Variants in A2ML1 observed in about 807,000 individuals in gnomAD.
A2ML1 encodes the protein alpha-2-macroglobulin-like protein 1.
Under a neutral mutation model 181.9 loss-of-function variants are expected in A2ML1, and 161 were observed. The ratio of observed to expected loss-of-function variants is 0.89; its 90% CI spans 0.78 to 1.01. The LOEUF is 1.01. Ranked by LOEUF, A2ML1 falls within the 50% of genes least tolerant of loss-of-function variation. The probability of loss-of-function intolerance (pLI) is 0.00; values close to 1 mark genes in which losing one functional copy is unlikely to be tolerated. For synonymous variants in A2ML1, 663 were observed against 666.8 expected (o/e 0.99, Z 0.09); for missense variants, 1,670 against 1,768.1 (o/e 0.94, Z 1.00).
At position 8,853,000 on chromosome 12, in the gene A2ML1, A is replaced by AT. The variant is rs911771750; in HGVS notation, c.2590+673dup. 4.0e-5 allele frequency among the ~76,000 whole-genome samples: 6 copies of AT among 150,532 alleles called. No individual in the cohort carries two copies. Among genetic ancestry groups the AT allele is most frequent in the African/African-American group, 1.2e-4 (5 of 40,964 alleles). On this transcript the variant is annotated intron_variant, in intron 20 of 35. Coordinates refer to ENST00000299698, the MANE Select transcript of A2ML1 (RefSeq NM_144670.6). This position sits in a 1 kb window ranked among gnomAD's most constrained non-coding sequence, Gnocchi z 4.2. ...CGTGAGCCGCTGCGCCTGGCCTTTTATTTTTTTTTAGAGAGACAAGATCTT... is the reference window on the plus strand; with the variant it reads ...CGTGAGCCGCTGCGCCTGGCCTTTTATTTTTTTTTTAGAGAGACAAGATCTT...
chr12:8,840,005 C>G (rs910269165), intron 10 of A2ML1, among the ~76,000 whole-genome samples: 5 of 152,072 alleles, frequency 3.3e-5, no homozygotes, highest in Admixed American at 6.5e-5. Flanking sequence ...CCTGGGCCTC[C>G]CAAAGTGCTG....
chr12:8,871,079 C>T (rs1294911366), intron 33 of A2ML1, among the ~76,000 whole-genome samples: 2 of 152,196 alleles, frequency 1.3e-5, no homozygotes, highest in Admixed American at 1.3e-4. Flanking sequence ...CATCCCTCTC[C>T]CACAATCTCA....
rs770385064 is a variant in A2ML1 at position 8,850,835 on chromosome 12, T to G, written c.2234+561T>G. Among the ~76,000 whole-genome samples the G allele has an allele frequency of 5.3e-5, 8 of 152,060 alleles. No homozygotes were observed. The South Asian group carries it at 8.3e-4, about 16-fold the overall frequency. ...TCACTGTAGGCCTCAACCTCCTAGG[T>G]TCAAGCAATTCTTGTGCCTCAGCCT... On this transcript the variant is annotated intron_variant, in intron 18 of 35. Transcript: ENST00000299698.
intron 18 of A2ML1, among the ~76,000 whole-genome samples, chr12:8,851,244 C>G (rs1943877577): frequency 6.6e-6 from 1 of 152,194 alleles, no homozygotes; most frequent in African/African-American, 2.4e-5. Context: ...GCACCAGCCT[C>G]TCTGTCAGAT....
At chr12:8,850,964 C>T (rs1364848195) in intron 18 of A2ML1, among the ~76,000 whole-genome samples, 1 of 152,120 alleles carries the variant, frequency 6.6e-6, no homozygotes, top group East Asian at 1.9e-4. Flanking sequence ...GTCTTGAACT[C>T]CTGGCCTCAA....
intron 33 of A2ML1, among the ~76,000 whole-genome samples, chr12:8,869,555 G>A (rs1051011810): frequency 3.9e-5 from 6 of 151,922 alleles, no homozygotes; most frequent in South Asian, 2.1e-4. Flanking sequence ...ATATACAGAC[G>A]TATTAATGAG....
chr12:8,883,983 G>A (rs146609629), intron 7 of A2ML1, among the ~76,000 whole-genome samples: 2 of 151,490 alleles, frequency 1.3e-5, no homozygotes, highest in African/African-American at 2.4e-5. Flanking sequence ...GCAGGGTTTC[G>A]CCATGTTAAT....
chr12:8,859,706 A>C (rs1011238381), intron 26 of A2ML1, among the ~76,000 whole-genome samples: 3 of 152,060 alleles, frequency 2.0e-5, no homozygotes, highest in African/African-American at 7.2e-5. Flanking sequence ...CTGGGACTAC[A>C]GGCATGTGCC....
At chr12:8,859,368 T>G (rs534236178) in intron 26 of A2ML1, among the ~76,000 whole-genome samples, 33 of 152,090 alleles carry the variant, frequency 2.2e-4, no homozygotes, top group Non-Finnish European at 4.4e-4. Flanking sequence ...AGTTTTTGTC[T>G]TCTTCTTCTC....
At chr12:8,839,690 C>A (rs1592117548) in intron 10 of A2ML1, among the ~76,000 whole-genome samples, 1 of 152,164 alleles carries the variant, frequency 6.6e-6, no homozygotes, top group South Asian at 2.1e-4. Flanking sequence ...TAATATGAAA[C>A]TTTCCTTGAC....
intron 14 of A2ML1, 85 bp downstream of exon 14, chr12:8,846,307 T>A: frequency 6.6e-7 from 1 of 1,508,356 alleles, no homozygotes. Context: ...ACAAGACAAG[T>A]CAGGGAAAGA....
intron 28 of A2ML1, among the ~76,000 whole-genome samples, chr12:8,862,126 T>C (rs1472370690): frequency 6.6e-6 from 1 of 152,232 alleles, no homozygotes; most frequent in Non-Finnish European, 1.5e-5. Context: ...TATATTGGCA[T>C]TGTGGAATCA....
At chr12:8,863,183 C>G (rs10771131) in intron 28 of A2ML1, among the ~76,000 whole-genome samples, 90,907 of 151,454 alleles carry the variant, frequency 0.6, 29,147 homozygotes, top group East Asian at 0.96. Flanking sequence ...CTCAGTTCAC[C>G]GCAACCTCCA....
downstream of A2ML1, among the ~76,000 whole-genome samples, chr12:8,879,512 C>G (rs935291942): frequency 6.6e-6 from 1 of 151,790 alleles, no homozygotes; most frequent in South Asian, 2.1e-4. Context: ...AGAAGGTAGT[C>G]ATGATCATGA....
chr12:8,843,674 C>T (rs1045557098), intron 12 of A2ML1, among the ~76,000 whole-genome samples: 1 of 151,416 alleles, frequency 6.6e-6, no homozygotes, highest in South Asian at 2.1e-4. Context: ...AAGCGTATCT[C>T]AGTTTGGACT....
At chr12:8,868,681 T>G (rs1407463867) in intron 32 of A2ML1, 54 bp downstream of exon 32, 14 of 1,526,386 alleles carry the variant, frequency 9.2e-6, no homozygotes, top group Non-Finnish European at 1.3e-5. Flanking sequence ...CCTAACGTTA[T>G]AATTTAAAAA....
chr12:8,841,017 A>AGGAAGGAAGGAAGGAC (rs1943459132), intron 10 of A2ML1, among the ~76,000 whole-genome samples: 1 of 14,074 alleles, frequency 7.1e-5, no homozygotes, highest in East Asian at 4.3e-3. Flanking sequence ...GAAGGACGGA[A>AGGAAGGAAGGAAGGAC]GGAAGGAAGG....
chr12:8,872,114 G>A (rs187704408), intron 33 of A2ML1, among the ~76,000 whole-genome samples: 84 of 151,762 alleles, frequency 5.5e-4, no homozygotes, highest in African/African-American at 1.9e-3. Context: ...GGGAGGCAGA[G>A]CTTGCAGTGA....
chr12:8,849,551 C>T, intron 16 of A2ML1, 118 bp from the exon 17 acceptor site: 1 of 829,788 alleles, frequency 1.2e-6, no homozygotes, highest in Middle Eastern at 2.3e-4. Context: ...CACCCAGGTT[C>T]ACCATTAATT....
Sources: gnomAD v4.1 joint callset for allele counts (sites outside exome capture counted in the v4.1 genomes callset) on GRCh38, gnomAD v4.1.1 for gene constraint, Gnocchi (gnomAD v3.1) non-coding constraint, MANE v1.5 for transcripts, NCBI Gene and HGNC (gene_info 2026-07-23, HGNC 2026-07-21) for gene names.